Variants in ZCCHC14 observed in about 807,000 individuals in gnomAD.
The protein encoded by ZCCHC14 is zinc finger CCHC-type containing 14.
ZCCHC14 carries 16 observed loss-of-function variants against 85.0 expected under a neutral mutation model. That is an observed-to-expected ratio of 0.19 (90% CI 0.13 to 0.29). The LOEUF is 0.29. Among genes scored for constraint, ZCCHC14 ranks in the 10% least tolerant of loss-of-function variants. ZCCHC14 has a pLI of 1.00. For missense variants in ZCCHC14, 1,303 were observed against 1,443.5 expected, an observed-to-expected ratio of 0.90 and a Z score of 1.58; for synonymous variants, 775 against 630.7, an observed-to-expected ratio of 1.23 and a Z score of -3.43.
In ZCCHC14 at chr16:87,413,275, G is replaced by GC. The variant is rs1908580756; in HGVS notation, c.1604-81_1604-80insG. The GC allele has an allele frequency of 1.1e-5, 16 of 1,437,038 alleles. No homozygotes were observed. The South Asian group carries it at 2.4e-4, about 21-fold the overall frequency. The allele number at this position is 1,437,038 out of a possible 1,614,324, so 89.0% of individuals were successfully genotyped here. On this transcript the variant is annotated intron_variant, in intron 10 of 12. Transcript: ENST00000671377. ...CCGCCCCGTGCCCCTGCATCGCACT[G>GC]TCGGCAGGTGCTCCTTCCAGGGAAA...
At chr16:87,468,350 A>G (rs972813507) in intron 1 of ZCCHC14, among the ~76,000 whole-genome samples, 4 of 152,214 alleles carry the variant, frequency 2.6e-5, no homozygotes, top group Admixed American at 6.5e-5. Flanking sequence ...TCTTAAGGAA[A>G]AATTACATAA....
At position 87,491,834 on chromosome 16, in the gene ZCCHC14, C is replaced by A; in HGVS notation, c.405G>T (p.Leu135=). The change falls in exon 1 of 13, where the codon CTG becomes CTT. Residue 135 remains leucine (L), a synonymous_variant. Transcript: ENST00000671377. This position sits in a 1 kb window ranked among gnomAD's most constrained non-coding sequence, Gnocchi z 5.9. ...EGRTGDEFLL[L]FTMASNHPAF... Reference sequence around the variant, plus strand: ...CCGGGTGGTTGGAGGCCATGGTGAACAGCAGCAGGAACTCATCGCCCGTGC... The same window carrying A: ...CCGGGTGGTTGGAGGCCATGGTGAAAAGCAGCAGGAACTCATCGCCCGTGC... 1 of 1,581,974 alleles carries A rather than the reference C, an allele frequency of 6.3e-7. No homozygotes were observed. The highest frequency in any genetic ancestry group is 8.6e-7 in the Non-Finnish European group (1 of 1,168,798).
At chr16:87,480,328 G>A (rs1336363313) in intron 1 of ZCCHC14, among the ~76,000 whole-genome samples, 33 of 152,006 alleles carry the variant, frequency 2.2e-4, no homozygotes, top group African/African-American at 7.7e-4. Context: ...GCGTGAACCC[G>A]GGAGGCGGAG....
chr16:87,417,064 G>A (rs2150725433), intron 8 of ZCCHC14, among the ~76,000 whole-genome samples: 1 of 152,290 alleles, frequency 6.6e-6, no homozygotes, highest in Middle Eastern at 3.4e-3. Context: ...CTGCTTGGAA[G>A]ATGTAAAATG....
intron 2 of ZCCHC14, among the ~76,000 whole-genome samples, chr16:87,449,672 T>C (rs979463781): frequency 1.3e-5 from 2 of 152,214 alleles, no homozygotes; most frequent in African/African-American, 2.4e-5. Flanking sequence ...GAGAAACCAC[T>C]TCAACAATTT....
At position 87,459,644 on chromosome 16, in the gene ZCCHC14, G is replaced by C. The variant is rs1911157297; in HGVS notation, c.694+364C>G. On this transcript the variant is annotated intron_variant, in intron 2 of 12. Transcript: ENST00000671377. ...CCTGCCTCAGCCTCCCGAGTAGCTG[G>C]GATTACAGATGCCCGCCACCACGCC... Among the ~76,000 whole-genome samples, 2 of 151,952 alleles carry C rather than the reference G, an allele frequency of 1.3e-5. 1 individual carries two copies. Among genetic ancestry groups the C allele is most frequent in the Admixed American group, 1.3e-4 (2 of 15,254 alleles).
At chr16:87,482,667 C>T (rs538916596) in intron 1 of ZCCHC14, among the ~76,000 whole-genome samples, 68 of 152,322 alleles carry the variant, frequency 4.5e-4, no homozygotes, top group Non-Finnish European at 3.2e-4. Flanking sequence ...TGAAGCAGAA[C>T]GCAGGGTCCA....
intron 1 of ZCCHC14, among the ~76,000 whole-genome samples, chr16:87,479,301 A>C (rs1912162069): frequency 6.6e-6 from 1 of 151,906 alleles, no homozygotes; most frequent in Non-Finnish European, 1.5e-5. Context: ...CTGTAATCCC[A>C]GTTACTCAGG....
At chr16:87,482,227 G>C (rs905745515) in intron 1 of ZCCHC14, among the ~76,000 whole-genome samples, 1 of 152,206 alleles carries the variant, frequency 6.6e-6, no homozygotes, top group Non-Finnish European at 1.5e-5. Flanking sequence ...GGGAGCTGGA[G>C]GTCTGGTTGA....
At chr16:87,467,648 T>C (rs903012168) in intron 1 of ZCCHC14, 1 of 948,408 alleles carries the variant, frequency 1.1e-6, no homozygotes, top group African/African-American at 1.6e-5. Flanking sequence ...ATTTCCCTGG[T>C]CGAACGGTTT....
intron 1 of ZCCHC14, among the ~76,000 whole-genome samples, chr16:87,485,183 C>T (rs1173160952): frequency 6.6e-6 from 1 of 152,170 alleles, no homozygotes; most frequent in East Asian, 1.9e-4. Context: ...GAAGACCTGT[C>T]CTGCTTAATC....
rs1912852991 is a variant in ZCCHC14, at chr16:87,492,957, A to AGGCGCCGGCCGAGGAGCGGAGGG, written c.-742_-720dup. The stretch of plus-strand genomic sequence containing the variant: ...GCGACGGCGACGGCGACGGCGGAGG[A>AGGCGCCGGCCGAGGAGCGGAGGG]GGCGCCGGCCGAGGAGCGGAGGGAT... On this transcript the variant is annotated 5_prime_UTR_variant, in exon 1 of 13. Coordinates refer to ENST00000671377, the MANE Select transcript of ZCCHC14 (RefSeq NM_015144.3). This position sits in a 1 kb window ranked among gnomAD's most constrained non-coding sequence, Gnocchi z 6.7. Among the ~76,000 whole-genome samples the AGGCGCCGGCCGAGGAGCGGAGGG allele has an allele frequency of 6.7e-6, 1 of 150,000 alleles. No homozygotes were observed. Among genetic ancestry groups the AGGCGCCGGCCGAGGAGCGGAGGG allele is most frequent in the Non-Finnish European group, 1.5e-5 (1 of 67,450 alleles).
intron 1 of ZCCHC14, among the ~76,000 whole-genome samples, chr16:87,462,028 G>A (rs1034909088): frequency 3.3e-5 from 5 of 151,940 alleles, no homozygotes; most frequent in Non-Finnish European, 7.4e-5. Flanking sequence ...AGCACTTTGG[G>A]AGGCTGAGGC....
At chr16:87,445,259 G>T (rs942284717) in intron 2 of ZCCHC14, among the ~76,000 whole-genome samples, 1 of 152,004 alleles carries the variant, frequency 6.6e-6, no homozygotes, top group Non-Finnish European at 1.5e-5. Flanking sequence ...TAGAAACGGG[G>T]TTTCACCATG....
intron 2 of ZCCHC14, 49 bp downstream of exon 2, chr16:87,459,959 C>T (rs763281169): frequency 6.2e-7 from 1 of 1,612,632 alleles, no homozygotes; most frequent in Non-Finnish European, 8.5e-7. Flanking sequence ...TGGGGTGTGC[C>T]CATCCTCCGT....
chr16:87,441,239 G>T (rs1356840114), intron 2 of ZCCHC14, among the ~76,000 whole-genome samples: 1 of 152,004 alleles, frequency 6.6e-6, no homozygotes, highest in African/African-American at 2.4e-5. Context: ...TGATCCGCCC[G>T]CCTCGGCCTC....
intron 2 of ZCCHC14, among the ~76,000 whole-genome samples, chr16:87,442,011 G>A (rs1433978487): frequency 6.6e-6 from 1 of 152,234 alleles, no homozygotes. Flanking sequence ...CAGCAGAGAG[G>A]GCTAAAGCCC....
chr16:87,436,827 T>C (rs1003133078), intron 2 of ZCCHC14, among the ~76,000 whole-genome samples: 1 of 152,220 alleles, frequency 6.6e-6, no homozygotes, highest in African/African-American at 2.4e-5. Context: ...ACACTAAAAC[T>C]AAACGATCGA....
chr16:87,474,287 C>G (rs942748738), intron 1 of ZCCHC14: 7 of 152,340 alleles, frequency 4.6e-5, no homozygotes, highest in Admixed American at 2.6e-4. Flanking sequence ...CCAAATGGAC[C>G]CATGAACTTC....
Sources: gnomAD v4.1 joint callset for allele counts (sites outside exome capture counted in the v4.1 genomes callset) on GRCh38, gnomAD v4.1.1 for gene constraint, Gnocchi (gnomAD v3.1) non-coding constraint, MANE v1.5 for transcripts, NCBI Gene and HGNC (gene_info 2026-07-23, HGNC 2026-07-21) for gene names.